RPTOR: variants seen among roughly 807,000 people sequenced by gnomAD.
RPTOR encodes regulatory-associated protein of mTOR.
A neutral mutation model predicts 169.9 loss-of-function variants in RPTOR; 21 were observed. The observed-to-expected ratio is 0.12, with a 90% confidence interval of 0.09 to 0.18. The LOEUF (loss-of-function observed/expected upper bound fraction) is 0.18, where lower values mean the gene tolerates loss of function less well. Ranked by LOEUF, RPTOR falls within the 10% of genes least tolerant of loss-of-function variation. The pLI, the probability that RPTOR is intolerant of heterozygous loss-of-function variation, is 1.00. For missense variants in RPTOR, 1,133 were observed against 1,855.9 expected (o/e 0.61, Z 7.16); for synonymous variants, 732 against 753.2 (o/e 0.97, Z 0.46).
intron 13 of RPTOR, among the ~76,000 whole-genome samples, chr17:80,862,037 C>T (rs1349033031): frequency 6.6e-6 from 1 of 152,146 alleles, no homozygotes; most frequent in African/African-American, 2.4e-5. Flanking sequence ...ACGGAGGCTG[C>T]AGCGTGCCTT....
rs1230049257 is a variant in RPTOR, at chr17:80,774,943, C to T, written c.831-16507C>T. ...TTATATGCAGCTTTCCTCCACGGGC[C>T]CCGCCTGTGCGTAGTCGTGCTCTGG... On this transcript the variant is annotated intron_variant, in intron 6 of 33. Coordinates refer to ENST00000306801, the MANE Select transcript of RPTOR (RefSeq NM_020761.3). Among the ~76,000 whole-genome samples the T allele has an allele frequency of 2.6e-5, 4 of 152,356 alleles. No individual in the cohort carries two copies. In the East Asian group the frequency reaches 7.7e-4, roughly 29 times the overall value.
In RPTOR at chr17:80,625,687, T is replaced by G. The variant is rs772185061; in HGVS notation, c.163-4T>G. The G allele has an allele frequency of 1.3e-6, 2 of 1,595,926 alleles. No homozygotes were observed. On this transcript the variant is annotated splice_region_variant and splice_polypyrimidine_tract_variant and intron_variant, in intron 1 of 33. Coordinates refer to ENST00000306801, the MANE Select transcript of RPTOR (RefSeq NM_020761.3). ...TTATTTATTTTTTTCTGTTGTGTTT[T>G]CAGATGAAGACAGTCAGTGTTGCCT... is the stretch of plus-strand genomic sequence containing the variant.
rs12600403 is a variant in RPTOR, at chr17:80,628,677, A to G, written c.265+2884A>G. ...TTCTTTTAGAGATGGGTGTCTCTCAATGTTGCCCAGGCTGGGCTATACTTG... is the reference window on the plus strand; with the variant it reads ...TTCTTTTAGAGATGGGTGTCTCTCAGTGTTGCCCAGGCTGGGCTATACTTG... On this transcript the variant is annotated intron_variant, in intron 2 of 33. Transcript: ENST00000306801. 2.5e-3 allele frequency among the ~76,000 whole-genome samples: 380 copies of G among 151,144 alleles called. 2 individuals carry two copies. Among genetic ancestry groups the G allele is most frequent in the Admixed American group, 7.1e-3 (108 of 15,236 alleles).
chr17:80,674,508 C>G (rs1448722777), intron 3 of RPTOR, among the ~76,000 whole-genome samples: 1 of 152,302 alleles, frequency 6.6e-6, no homozygotes, highest in East Asian at 1.9e-4. Flanking sequence ...GGAAAACGAA[C>G]AGCCTCTGGC....
intron 6 of RPTOR, among the ~76,000 whole-genome samples, chr17:80,787,169 A>G (rs549982892): frequency 6.6e-6 from 1 of 152,268 alleles, no homozygotes; most frequent in South Asian, 2.1e-4. Context: ...CATTAAGACC[A>G]TTACTTTTCT....
intron 1 of RPTOR, among the ~76,000 whole-genome samples, chr17:80,579,728 T>C (rs1352025277): frequency 6.6e-6 from 1 of 152,208 alleles, no homozygotes; most frequent in African/African-American, 2.4e-5. Flanking sequence ...GGGATCCATG[T>C]AAATGAAAAA....
At chr17:80,586,742 G>A (rs1223573332) in intron 1 of RPTOR, among the ~76,000 whole-genome samples, 1 of 152,216 alleles carries the variant, frequency 6.6e-6, no homozygotes, top group Non-Finnish European at 1.5e-5. Context: ...TCTACTCCAA[G>A]TCTGTCCCGA....
At chr17:80,818,551 A>T (rs546200876) in intron 7 of RPTOR, among the ~76,000 whole-genome samples, 1 of 152,322 alleles carries the variant, frequency 6.6e-6, no homozygotes, top group South Asian at 2.1e-4. Flanking sequence ...ATGTGACGTG[A>T]AAAGTGAGGG....
At chr17:80,681,093 G>A (rs1026463175) in intron 3 of RPTOR, among the ~76,000 whole-genome samples, 1 of 152,144 alleles carries the variant, frequency 6.6e-6, no homozygotes, top group African/African-American at 2.4e-5. Context: ...TGGCGCACTG[G>A]AGTCCAGGCT....
At position 80,823,249 on chromosome 17, in the gene RPTOR, G is replaced by A. The variant is rs1482793880; in HGVS notation, c.1136+26G>A. The A allele has an allele frequency of 4.3e-6, 7 of 1,609,674 alleles. No individual in the cohort carries two copies. The East Asian group carries it at 1.6e-4, about 36-fold the overall frequency. ...GTGAGTGTTTCAGGATCCTCCAGGT[G>A]CCGTGCTCCCCCGCCCTCCGTGGCA... On this transcript the variant is annotated intron_variant, in intron 9 of 33. Transcript: ENST00000306801. This position sits in a 1 kb window ranked among gnomAD's most constrained non-coding sequence, Gnocchi z 4.5.
At chr17:80,849,981 A>G (rs935195489) in intron 11 of RPTOR, among the ~76,000 whole-genome samples, 1 of 151,912 alleles carries the variant, frequency 6.6e-6, no homozygotes, top group Non-Finnish European at 1.5e-5. Context: ...TATGGAAGAG[A>G]GGGGAGAAAG....
At chr17:80,782,830 T>G (rs1244422361) in intron 6 of RPTOR, among the ~76,000 whole-genome samples, 1 of 152,230 alleles carries the variant, frequency 6.6e-6, no homozygotes, top group Non-Finnish European at 1.5e-5. Context: ...CGGTATGTAG[T>G]ATAAACACAG....
rs1462541486 is a variant in RPTOR, at chr17:80,721,023, G to T, written c.508-9537G>T. On this transcript the variant is annotated intron_variant, in intron 4 of 33. Transcript: ENST00000306801. The surrounding 1 kb of genome is among the most constrained non-coding windows in gnomAD (Gnocchi z 4.7). ...TCCATCTCTAATTTTAGCCGTCTAG[G>T]GCAGAAACAGTCCCGGGTAAACACC... 1.3e-5 allele frequency among the ~76,000 whole-genome samples: 2 copies of T among 150,970 alleles called. No homozygotes were observed. The highest frequency in any genetic ancestry group is 1.5e-5 in the Non-Finnish European group (1 of 68,020).
intron 4 of RPTOR, among the ~76,000 whole-genome samples, chr17:80,729,511 C>T (rs2143199311): frequency 6.6e-6 from 1 of 152,324 alleles, no homozygotes; most frequent in Admixed American, 6.5e-5. Context: ...TGTTCAGGCG[C>T]TGAACAGTAT....
chr17:80,629,127 T>C (rs950222112), intron 2 of RPTOR, among the ~76,000 whole-genome samples: 2 of 150,466 alleles, frequency 1.3e-5, no homozygotes, highest in African/African-American at 2.5e-5. Flanking sequence ...CTCTATGTAT[T>C]GTGCTGTTGG....
At chr17:80,853,839 G>A (rs1484636227) in intron 11 of RPTOR, among the ~76,000 whole-genome samples, 4 of 152,132 alleles carry the variant, frequency 2.6e-5, no homozygotes, top group Admixed American at 2.6e-4. Context: ...AAATTAGCCG[G>A]TCATGGTGGC....
At chr17:80,831,501 G>A (rs976313032) in intron 9 of RPTOR, among the ~76,000 whole-genome samples, 4 of 152,210 alleles carry the variant, frequency 2.6e-5, no homozygotes, top group African/African-American at 9.7e-5. Flanking sequence ...GAGGCTTCTG[G>A]AAGACTGGGA....
At chr17:80,583,386 T>C (rs1228377266) in intron 1 of RPTOR, among the ~76,000 whole-genome samples, 2 of 152,136 alleles carry the variant, frequency 1.3e-5, no homozygotes, top group Non-Finnish European at 2.9e-5. Flanking sequence ...AGATGGGGTT[T>C]TGCCATGTTG....
intron 9 of RPTOR, among the ~76,000 whole-genome samples, chr17:80,825,608 C>T (rs545661803): frequency 3.3e-5 from 5 of 152,348 alleles, no homozygotes; most frequent in South Asian, 2.1e-4. Flanking sequence ...CTGTGCTTAT[C>T]GGTTGCACTA....
Sources: gnomAD v4.1 joint callset for allele counts (sites outside exome capture counted in the v4.1 genomes callset) on GRCh38, gnomAD v4.1.1 for gene constraint, Gnocchi (gnomAD v3.1) non-coding constraint, MANE v1.5 for transcripts, NCBI Gene and HGNC (gene_info 2026-07-23, HGNC 2026-07-21) for gene names.